PRPF8: variants seen among roughly 807,000 people sequenced by gnomAD.
The protein encoded by PRPF8 is pre-mRNA processing factor 8, also known as pre-mRNA-processing-splicing factor 8.
PRPF8 carries 64 observed loss-of-function variants against 285.9 expected under a neutral mutation model. The observed-to-expected ratio is 0.22, with a 90% confidence interval of 0.18 to 0.28. The LOEUF (loss-of-function observed/expected upper bound fraction) is 0.28, where lower values mean the gene tolerates loss of function less well. Ranked by LOEUF, PRPF8 falls within the 10% of genes least tolerant of loss-of-function variation. The pLI is 1.00. For missense variants in PRPF8, 1,426 were observed against 3,026.7 expected (o/e 0.47, Z 12.41); for synonymous variants, 1,325 against 1,118.2 (o/e 1.18, Z -3.69).
chr17:1,684,213 G>A (rs898611485), intron 2 of PRPF8, among the ~76,000 whole-genome samples: 1 of 152,020 alleles, frequency 6.6e-6, no homozygotes, highest in African/African-American at 2.4e-5. Context: ...GAGCTTCAAG[G>A]TTTTGTTATT....
rs1488163667 is a variant in PRPF8 at position 1,678,795 on chromosome 17, C to G, written c.1686G>C (p.Val562=). The G allele has an allele frequency of 6.2e-7, 1 of 1,614,126 alleles. No homozygotes were observed. ...CATCCACATTGCCCAGCCGATACTG[C>G]ACGTGACTATCCACCACCAGCTTAG... ...RLTKLVVDSH[V]QYRLGNVDAF... Residue 562 remains valine, a synonymous_variant, in exon 12 of 43, where the codon GTG becomes GTC. Coordinates refer to ENST00000304992, the MANE Select transcript of PRPF8 (RefSeq NM_006445.4).
Position 1,653,745 on chromosome 17 carries a change from C to T in PRPF8, c.6227+32G>A. The T allele has an allele frequency of 6.2e-7, 1 of 1,614,160 alleles. No homozygotes were observed. The highest frequency in any genetic ancestry group is 1.1e-5 in the South Asian group (1 of 91,082). ...CAGCACCTTAGGTAGTGCAGCCGGC[C>T]TTTCCATCCCCACCCTCTTGCCCGA... On this transcript the variant is annotated intron_variant, in intron 38 of 42. Transcript: ENST00000304992. This position sits in a 1 kb window ranked among gnomAD's most constrained non-coding sequence, Gnocchi z 4.9.
chr17:1,661,878 T>C lies in PRPF8; in HGVS notation c.4022+28A>G. The stretch of plus-strand genomic sequence containing the variant: ...TTCCCTTAGGGCCTGAGCAATAGGG[T>C]TTAGAAATACGTTGAACCAGGCTGT... On this transcript the variant is annotated intron_variant, in intron 25 of 42. Transcript: ENST00000304992. The surrounding 1 kb of genome is among the most constrained non-coding windows in gnomAD (Gnocchi z 7.3). 6.2e-7 allele frequency: 1 copy of C among 1,613,708 alleles called. No individual in the cohort carries two copies. Among genetic ancestry groups the C allele is most frequent in the Non-Finnish European group, 8.5e-7 (1 of 1,179,894 alleles).
In PRPF8 at chr17:1,676,923, T is replaced by C; in HGVS notation, c.2181+53A>G. ...CCCCTAATGATTCCCGAAGTGGTAATCCTACCCTAAAGACGGATGTTTACG... is the reference window on the plus strand; with the variant it reads ...CCCCTAATGATTCCCGAAGTGGTAACCCTACCCTAAAGACGGATGTTTACG... On this transcript the variant is annotated intron_variant, in intron 15 of 42. Transcript: ENST00000304992. This position sits in a 1 kb window ranked among gnomAD's most constrained non-coding sequence, Gnocchi z 6.3. 1.2e-6 allele frequency: 2 copies of C among 1,601,490 alleles called. No individual in the cohort carries two copies. The highest frequency in any genetic ancestry group is 1.7e-6 in the Non-Finnish European group (2 of 1,172,786).
At position 1,683,625 on chromosome 17, in the gene PRPF8, T is replaced by C; in HGVS notation, c.177A>G (p.Glu59=). Residue 59 remains glutamate, a synonymous_variant, in exon 3 of 43, where the codon GAA becomes GAG. Coordinates refer to ENST00000304992, the MANE Select transcript of PRPF8 (RefSeq NM_006445.4). ...RKFGFVDAQK[E]DMPPEHVRKI... ...TCCTGACATGTTCTGGGGGCATGTCTTCCTTCTGGGCATCCACAAACCCAA... is the reference window on the plus strand; with the variant it reads ...TCCTGACATGTTCTGGGGGCATGTCCTCCTTCTGGGCATCCACAAACCCAA... 6.2e-7 allele frequency: 1 copy of C among 1,614,202 alleles called. No homozygotes were observed. Among genetic ancestry groups the C allele is most frequent in the Non-Finnish European group, 8.5e-7 (1 of 1,180,032 alleles).
intron 8 of PRPF8, chr17:1,680,505 A>G: frequency 3.3e-6 from 2 of 615,100 alleles, no homozygotes; most frequent in South Asian, 1.9e-5. Flanking sequence ...AGCACCCAAG[A>G]AAAGAACCGT....
chr17:1,671,873 A>AT (rs1474813776), intron 24 of PRPF8, among the ~76,000 whole-genome samples: 9 of 150,144 alleles, frequency 6.0e-5, no homozygotes, highest in African/African-American at 2.0e-4. Context: ...AAAAAAAAAA[A>AT]AATTAAAAAT....
Position 1,673,831 on chromosome 17 carries a change from T to C in PRPF8, c.3361A>G (p.Asn1121Asp), listed in dbSNP as rs201104541. ...TTATAGCCAACGATGTTTTCATTATTGGGGTCAGGGTGCTCTGTCAGGTAA... is the reference window on the plus strand; with the variant it reads ...TTATAGCCAACGATGTTTTCATTATCGGGGTCAGGGTGCTCTGTCAGGTAA... The part of the protein sequence containing the change: ...QRYLTEHPDP[N>D]NENIVGYNNK... Residue 1121 changes from asparagine to aspartate, a missense_variant, in exon 22 of 43, where the codon AAT (asparagine) becomes GAT (aspartate). Physicochemically the swap from Asn to Asp is conservative, Grantham distance 23 (BLOSUM62 1). Around this residue, in one of 34 missense-constraint regions of PRPF8, gnomAD observed 148 missense variants for 196.2 expected, o/e 0.75. Transcript: ENST00000304992. The surrounding 1 kb of genome is among the most constrained non-coding windows in gnomAD (Gnocchi z 5.5). 7 of 1,614,134 alleles carry C rather than the reference T, an allele frequency of 4.3e-6. No homozygotes were observed. The highest frequency in any genetic ancestry group is 5.1e-6 in the Non-Finnish European group (6 of 1,180,034).
At chr17:1,655,627 A>ATT (rs559662357) in intron 36 of PRPF8, 84 bp from the exon 37 acceptor site, 191 of 1,040,296 alleles carry the variant, frequency 1.8e-4, no homozygotes, top group Non-Finnish European at 2.4e-4. Context: ...AAACCCAAGA[A>ATT]TTTTTTTTTT....
intron 2 of PRPF8, among the ~76,000 whole-genome samples, chr17:1,684,206 C>CT (rs1055850446): frequency 7.2e-5 from 11 of 152,190 alleles, no homozygotes; most frequent in African/African-American, 2.4e-4. Context: ...TATTACAGAG[C>CT]TTCAAGGTTT....
rs911625763 is a variant in PRPF8, at chr17:1,675,605, T to C, written c.2872+15A>G. On this transcript the variant is annotated intron_variant, in intron 19 of 42. Coordinates refer to ENST00000304992, the MANE Select transcript of PRPF8 (RefSeq NM_006445.4). The surrounding 1 kb of genome is among the most constrained non-coding windows in gnomAD (Gnocchi z 6.0). ...CTGCCCCGTTCCTCACAGGGCGATC[T>C]CATGAAAGTTCTACCTTGACACCAC... 17 of 1,614,028 alleles carry C rather than the reference T, an allele frequency of 1.1e-5. No individual in the cohort carries two copies. Among genetic ancestry groups the C allele is most frequent in the Non-Finnish European group, 1.4e-5 (17 of 1,179,938 alleles).
rs1334691320 is a variant in PRPF8, at chr17:1,675,934, G to A, written c.2673C>T (p.Phe891=). 5.6e-6 allele frequency: 9 copies of A among 1,614,166 alleles called. No individual in the cohort carries two copies. The highest frequency in any genetic ancestry group is 2.2e-5 in the South Asian group (2 of 91,074). The change falls in exon 18 of 43, where the codon TTC becomes TTT. Residue 891 remains phenylalanine (F), a synonymous_variant. Coordinates refer to ENST00000304992, the MANE Select transcript of PRPF8 (RefSeq NM_006445.4). The surrounding 1 kb of genome is among the most constrained non-coding windows in gnomAD (Gnocchi z 6.0). ...IKRHLLTQRA[F]KEVGIEFMDL... The stretch of plus-strand genomic sequence containing the variant: ...CTTGGGAGGCCTCACTCACCTCTTT[G>A]AAGGCTCTCTGTGTGAGGAGGTGAC...
intron 14 of PRPF8, 145 bp downstream of exon 14, chr17:1,677,420 T>C: frequency 7.9e-7 from 1 of 1,261,516 alleles, no homozygotes. Flanking sequence ...AGAAATAGAA[T>C]ACTAGGTCAG....
In PRPF8 at chr17:1,679,012, G is replaced by A. The variant is rs373655136; in HGVS notation, c.1599+5C>T. On this transcript the variant is annotated splice_donor_5th_base_variant and intron_variant, in intron 11 of 42. Transcript: ENST00000304992. The surrounding 1 kb of genome is among the most constrained non-coding windows in gnomAD (Gnocchi z 4.7). The stretch of plus-strand genomic sequence containing the variant: ...CAGGAGGCCCCTAGGGTCCAATGCA[G>A]GCACCTTGGTGGTGAGCGTTTTCAC... 3 of 1,613,946 alleles carry A rather than the reference G, an allele frequency of 1.9e-6. No homozygotes were observed. Among genetic ancestry groups the A allele is most frequent in the Non-Finnish European group, 2.5e-6 (3 of 1,180,058 alleles).
Position 1,680,726 on chromosome 17 carries a change from C to T in PRPF8, c.1098G>A (p.Lys366=). 6.2e-7 allele frequency: 1 copy of T among 1,610,848 alleles called. No individual in the cohort carries two copies. Among genetic ancestry groups the T allele is most frequent in the Non-Finnish European group, 8.5e-7 (1 of 1,176,976 alleles). Reference sequence around the variant, plus strand: ...GGAAAGCATCCCTTCCCTTCCTCACCTTGACTGAGTGCCTATGGGAGATTG... The same window carrying T: ...GGAAAGCATCCCTTCCCTTCCTCACTTTGACTGAGTGCCTATGGGAGATTG... ...INPISHRHSV[K]SQEPLPDDDE... Residue 366 remains lysine (K), a splice_region_variant and synonymous_variant, in exon 8 of 43, where the codon AAG becomes AAA. Coordinates refer to ENST00000304992, the MANE Select transcript of PRPF8 (RefSeq NM_006445.4).
At position 1,680,937 on chromosome 17, in the gene PRPF8, G is replaced by A. The variant is rs201432773; in HGVS notation, c.984C>T (p.His328=). The change falls in exon 7 of 43, where the codon CAC becomes CAT. Residue 328 remains histidine (H), a synonymous_variant. Coordinates refer to ENST00000304992, the MANE Select transcript of PRPF8 (RefSeq NM_006445.4). Reference sequence around the variant, plus strand: ...TGTTCCAGGTCTCTTACCAGGTGAGGTGGACATGGTGTGGAAGATTGTTGT... The same window carrying A: ...TGTTCCAGGTCTCTTACCAGGTGAGATGGACATGGTGTGGAAGATTGTTGT... The part of the protein sequence containing the change: ...YLYNNLPHHV[H]LTWYHTPNVV... 87 of 1,614,054 alleles carry A rather than the reference G, an allele frequency of 5.4e-5. No homozygotes were observed. The highest frequency in any genetic ancestry group is 1.2e-4 in the Admixed American group (7 of 60,002).
chr17:1,669,776 G>A (rs1379450045), intron 24 of PRPF8, among the ~76,000 whole-genome samples: 1 of 152,116 alleles, frequency 6.6e-6, no homozygotes, highest in South Asian at 2.1e-4. Flanking sequence ...GTTCCTGAAG[G>A]CCTTGGTTCC....
chr17:1,660,289 T>C, intron 30 of PRPF8, 143 bp downstream of exon 30: 5 of 1,465,378 alleles, frequency 3.4e-6, no homozygotes, highest in Admixed American at 1.7e-5. Context: ...CAGTACCCTC[T>C]CCCCACGATT....
intron 24 of PRPF8, among the ~76,000 whole-genome samples, chr17:1,671,273 C>T (rs1228544799): frequency 1.3e-5 from 2 of 152,156 alleles, no homozygotes; most frequent in Non-Finnish European, 1.5e-5. Flanking sequence ...CACAGATTCC[C>T]ACATACAGGT....
Sources: gnomAD v4.1 joint callset for allele counts (sites outside exome capture counted in the v4.1 genomes callset) on GRCh38, gnomAD v4.1.1 for gene constraint, gnomAD v4.1.1 regional missense constraint, Gnocchi (gnomAD v3.1) non-coding constraint, MANE v1.5 for transcripts, NCBI Gene and HGNC (gene_info 2026-07-23, HGNC 2026-07-21) for gene names.